SLC35G1: variants seen among roughly 807,000 people sequenced by gnomAD.
SLC35G1 encodes partner of STIM1.
Under a neutral mutation model 17.1 loss-of-function variants are expected in SLC35G1, and 10 were observed. That is an observed-to-expected ratio of 0.59 (90% CI 0.36 to 0.99). The LOEUF (loss-of-function observed/expected upper bound fraction) is 0.99, where lower values mean the gene tolerates loss of function less well. Ranked by LOEUF, SLC35G1 falls within the 50% of genes least tolerant of loss-of-function variation. The probability of loss-of-function intolerance (pLI) is 0.01; values close to 1 mark genes in which losing one functional copy is unlikely to be tolerated. For synonymous variants in SLC35G1, 185 were observed against 181.1 expected, an observed-to-expected ratio of 1.02 and a Z score of -0.18; for missense variants, 433 against 468.4, an observed-to-expected ratio of 0.92 and a Z score of 0.70.
In SLC35G1 at chr10:93,902,542, A is replaced by C. The variant is rs1414686717; in HGVS notation, c.*1052A>C. On this transcript the variant is annotated 3_prime_UTR_variant, in exon 3 of 3. Transcript: ENST00000427197. Reference sequence around the variant, plus strand: ...AGATACCTCCATTATTCTCTAAATGAAATAGAAGACTTTGGAGTATATGTT... The same window carrying C: ...AGATACCTCCATTATTCTCTAAATGCAATAGAAGACTTTGGAGTATATGTT... The C allele has an allele frequency of 6.6e-6, 1 of 152,634 alleles. No individual in the cohort carries two copies. The highest frequency in any genetic ancestry group is 1.5e-5 in the Non-Finnish European group (1 of 68,034). The allele number at this position is 152,634 out of a possible 1,614,324, so 9.5% of individuals were successfully genotyped here. A position where few individuals can be genotyped will look rare whatever the true frequency, so the allele number is the denominator to read the frequency against.
At position 93,898,757 on chromosome 10, in the gene SLC35G1, T is replaced by G. The variant is rs759329560; in HGVS notation, c.359+6T>G. The G allele has an allele frequency of 6.3e-7, 1 of 1,593,350 alleles. No homozygotes were observed. The highest frequency in any genetic ancestry group is 1.9e-5 in the Admixed American group (1 of 53,692). The stretch of plus-strand genomic sequence containing the variant: ...CCTTGCTTAATATACAGAAAGTAAG[T>G]ATTTTTTAACTGCAAAGTAGAAGAT... On this transcript the variant is annotated splice_donor_region_variant and intron_variant, in intron 2 of 2. Transcript: ENST00000427197.
chr10:93,899,383 C>G (rs377233750), intron 2 of SLC35G1, among the ~76,000 whole-genome samples: 5 of 152,250 alleles, frequency 3.3e-5, no homozygotes, highest in African/African-American at 1.2e-4. Context: ...TCCGCCCTCT[C>G]TGTTCTCTCC....
Position 93,901,367 on chromosome 10 carries a change from T to C in SLC35G1, c.975T>C (p.Ala325=). The C allele has an allele frequency of 6.2e-7, 1 of 1,614,122 alleles. No homozygotes were observed. The highest frequency in any genetic ancestry group is 8.5e-7 in the Non-Finnish European group (1 of 1,179,970). The change falls in exon 3 of 3, where the codon GCT becomes GCC. Residue 325 remains alanine, a synonymous_variant. Coordinates refer to ENST00000427197, the MANE Select transcript of SLC35G1 (RefSeq NM_001134658.3). ...TGAAGACAATGGATGTGGTCTTTGCTTTTATCTTTCAGATTATTTTCTTTA... is the reference window on the plus strand; with the variant it reads ...TGAAGACAATGGATGTGGTCTTTGCCTTTATCTTTCAGATTATTTTCTTTA... ...AIMKTMDVVF[A]FIFQIIFFNN...
rs772793604 is a variant in SLC35G1, at chr10:93,900,950, T to A, written c.558T>A (p.Asp186Glu). ...ICLKEKYSPW[D>E]ALFTVFTITG... Reference sequence around the variant, plus strand: ...TCAAGGAAAAATATAGCCCTTGGGATGCTCTTTTCACCGTGTTCACAATCA... The same window carrying A: ...TCAAGGAAAAATATAGCCCTTGGGAAGCTCTTTTCACCGTGTTCACAATCA... Residue 186 changes from aspartate to glutamate, a missense_variant, in exon 3 of 3, where the codon GAT becomes GAA. Asp to Glu is a conservative substitution (Grantham distance 45). Coordinates refer to ENST00000427197, the MANE Select transcript of SLC35G1 (RefSeq NM_001134658.3). 33 of 1,614,118 alleles carry A rather than the reference T, an allele frequency of 2.0e-5. No homozygotes were observed. Among genetic ancestry groups the A allele is most frequent in the Admixed American group, 5.0e-5 (3 of 60,006 alleles).
rs1307448205 is a variant in SLC35G1, at chr10:93,900,947, G to A, written c.555G>A (p.Trp185Ter). The A allele has an allele frequency of 1.9e-6, 3 of 1,613,852 alleles. No individual in the cohort carries two copies. The highest frequency in any genetic ancestry group is 8.5e-7 in the Non-Finnish European group (1 of 1,179,978). The change falls in exon 3 of 3, where the codon TGG (tryptophan) becomes TGA (stop). Residue 185 changes from tryptophan to a stop codon, truncating the protein, a stop_gained. Coordinates refer to ENST00000427197, the MANE Select transcript of SLC35G1 (RefSeq NM_001134658.3). LOFTEE classifies it low-confidence loss of function (END_TRUNC). ...WICLKEKYSPWDALFTVFTIT... is the reference protein window; with the variant it reads ...WICLKEKYSP The stretch of plus-strand genomic sequence containing the variant: ...GTCTCAAGGAAAAATATAGCCCTTG[G>A]GATGCTCTTTTCACCGTGTTCACAA...
Position 93,894,011 on chromosome 10 carries a change from G to C in SLC35G1, c.-23G>C, listed in dbSNP as rs778323394. 5 of 1,371,430 alleles carry C rather than the reference G, an allele frequency of 3.6e-6. No homozygotes were observed. Among genetic ancestry groups the C allele is most frequent in the Non-Finnish European group, 4.7e-6 (5 of 1,068,036 alleles). The allele number at this position is 1,371,430 out of a possible 1,614,324, so 85.0% of individuals were successfully genotyped here. ...CTGCTGGCGCCAGACGGCACCGGCC[G>C]CTGGTAGAGCGCGTGCCGCGAGATG... is the stretch of plus-strand genomic sequence containing the variant. On this transcript the variant is annotated 5_prime_UTR_variant, in exon 1 of 3. Coordinates refer to ENST00000427197, the MANE Select transcript of SLC35G1 (RefSeq NM_001134658.3).
rs746823418 is a variant in SLC35G1 at position 93,894,225 on chromosome 10, G to A, written c.178+14G>A. On this transcript the variant is annotated intron_variant, in intron 1 of 2. Coordinates refer to ENST00000427197, the MANE Select transcript of SLC35G1 (RefSeq NM_001134658.3). ...GCACCGAGCCGGGTGAGTGCGCGGT[G>A]TGGATCGGGCTCTGGTCTCGCTCGG... The A allele has an allele frequency of 6.6e-6, 9 of 1,364,700 alleles. No individual in the cohort carries two copies. Among genetic ancestry groups the A allele is most frequent in the African/African-American group, 3.0e-5 (2 of 65,816 alleles). 84.5% of individuals were successfully genotyped at this position (1,364,700 alleles called of 1,614,324 possible).
At position 93,898,444 on chromosome 10, in the gene SLC35G1, A is replaced by G. The variant is rs966747904; in HGVS notation, c.179-127A>G. 3 of 789,264 alleles carry G rather than the reference A, an allele frequency of 3.8e-6. No homozygotes were observed. The African/African-American group carries it at 5.2e-5, about 14-fold the overall frequency. 48.9% of individuals were successfully genotyped at this position (789,264 alleles called of 1,614,324 possible). The stretch of plus-strand genomic sequence containing the variant: ...GGGAAAATGGTACAGGCCCAGAGAA[A>G]TGATATGCTTAGGAGGTAATAAAGC... On this transcript the variant is annotated intron_variant, in intron 1 of 2. Coordinates refer to ENST00000427197, the MANE Select transcript of SLC35G1 (RefSeq NM_001134658.3).
intron 1 of SLC35G1, among the ~76,000 whole-genome samples, chr10:93,895,240 A>G (rs2060318410): frequency 6.6e-6 from 1 of 152,128 alleles, no homozygotes; most frequent in Admixed American, 6.5e-5. Context: ...CCCAAGTTAG[A>G]GAGACAGACT....
chr10:93,901,741 G>T lies in SLC35G1; in HGVS notation c.*251G>T. ...TGTTGTTGGGGTCAAGTTGGTGAGAGGAGAGCTCATTGTTTGAAGAAAAAC... is the reference window on the plus strand; with the variant it reads ...TGTTGTTGGGGTCAAGTTGGTGAGATGAGAGCTCATTGTTTGAAGAAAAAC... On this transcript the variant is annotated 3_prime_UTR_variant, in exon 3 of 3. Transcript: ENST00000427197. 2.8e-6 allele frequency: 1 copy of T among 360,214 alleles called. No homozygotes were observed. Among genetic ancestry groups the T allele is most frequent in the Non-Finnish European group, 4.9e-6 (1 of 203,336 alleles). The allele number at this position is 360,214 out of a possible 1,614,324, so 22.3% of individuals were successfully genotyped here. A position where few individuals can be genotyped will look rare whatever the true frequency, so the allele number is the denominator to read the frequency against.
At chr10:93,896,561 A>ATC (rs1203412516) in intron 1 of SLC35G1, among the ~76,000 whole-genome samples, 1 of 152,190 alleles carries the variant, frequency 6.6e-6, no homozygotes, top group East Asian at 1.9e-4. Context: ...GATTGAAATG[A>ATC]TTTAGTAAGA....
intron 1 of SLC35G1, among the ~76,000 whole-genome samples, chr10:93,896,368 G>A (rs1420381469): frequency 6.6e-6 from 1 of 152,130 alleles, no homozygotes. Context: ...TGAAAGCAGA[G>A]GATAGAGAAG....
intron 2 of SLC35G1, 105 bp downstream of exon 2, chr10:93,898,856 C>G: frequency 1.8e-6 from 2 of 1,109,842 alleles, no homozygotes; most frequent in Admixed American, 2.9e-5. Flanking sequence ...ATATACTTAC[C>G]AGTTCCTATG....
In SLC35G1 at chr10:93,901,077, A is replaced by G. The variant is rs747441157; in HGVS notation, c.685A>G (p.Ile229Val). ...CCACCTTAAGGGAACATTCGCAGCA[A>G]TTGGAAGTGCCGTATTTGCTGCATC... ...SGHLKGTFAA[I>V]GSAVFAASTL... Residue 229 changes from isoleucine to valine, a missense_variant, in exon 3 of 3, where the codon ATT becomes GTT. Coordinates refer to ENST00000427197, the MANE Select transcript of SLC35G1 (RefSeq NM_001134658.3). The G allele has an allele frequency of 3.7e-6, 6 of 1,614,020 alleles. No individual in the cohort carries two copies. The highest frequency in any genetic ancestry group is 5.1e-6 in the Non-Finnish European group (6 of 1,179,994).
At chr10:93,895,977 T>G (rs1438699091) in intron 1 of SLC35G1, among the ~76,000 whole-genome samples, 1 of 151,326 alleles carries the variant, frequency 6.6e-6, no homozygotes, top group East Asian at 1.9e-4. Context: ...GGGTCTGAGA[T>G]GGGGCTTGAG....
chr10:93,908,241 G>C (rs1374960216), downstream of SLC35G1: 1 of 152,232 alleles, frequency 6.6e-6, no homozygotes, highest in African/African-American at 2.4e-5. Flanking sequence ...TCCCAGCCAA[G>C]AGCTTCTTAA....
chr10:93,908,090 T>C (rs900637023), downstream of SLC35G1: 11 of 152,160 alleles, frequency 7.2e-5, no homozygotes, highest in African/African-American at 2.7e-4. Flanking sequence ...AAGATGAAAC[T>C]GAAGTTCACC....
Position 93,900,766 on chromosome 10 carries a change from G to A in SLC35G1, c.374G>A (p.Gly125Asp). The change falls in exon 3 of 3, where the codon GGC (glycine) becomes GAC (aspartate). Residue 125 changes from glycine (G) to aspartate (D), a missense_variant. Gly to Asp is a moderately conservative substitution (Grantham distance 94). Transcript: ENST00000427197. ...TGAATTTACAGAACTGGGTTTATAGGCCCAAAAGGTCAACGAATTTTCCTC... is the reference window on the plus strand; with the variant it reads ...TGAATTTACAGAACTGGGTTTATAGACCCAAAAGGTCAACGAATTTTCCTC... ...CLIYRKTGFI[G>D]PKGQRIFLIL... 6.2e-7 allele frequency: 1 copy of A among 1,600,146 alleles called. No individual in the cohort carries two copies. Among genetic ancestry groups the A allele is most frequent in the Non-Finnish European group, 8.5e-7 (1 of 1,170,248 alleles).
chr10:93,903,912 C>T (rs941332564), downstream of SLC35G1: 1 of 151,162 alleles, frequency 6.6e-6, no homozygotes, highest in East Asian at 2.0e-4. Context: ...AGGAGATTGA[C>T]CTCTAGCCAT....
Sources: gnomAD v4.1 joint callset for allele counts (sites outside exome capture counted in the v4.1 genomes callset) on GRCh38, gnomAD v4.1.1 for gene constraint, MANE v1.5 for transcripts, NCBI Gene and HGNC (gene_info 2026-07-23, HGNC 2026-07-21) for gene names.